The following STRADB variants were observed in gnomAD, a reference collection of about 807,000 sequenced individuals.
The protein encoded by STRADB is STE20 related adaptor beta.
STRADB carries 34 observed loss-of-function variants against 52.1 expected under a neutral mutation model. The ratio of observed to expected loss-of-function variants is 0.65; its 90% confidence interval spans 0.50 to 0.87. STRADB has a LOEUF of 0.87. Among genes scored for constraint, STRADB ranks in the 40% least tolerant of loss-of-function variants. The pLI is 0.00. For synonymous variants in STRADB, 133 were observed against 174.5 expected (o/e 0.76, Z 1.87); for missense variants, 340 against 483.9 (o/e 0.70, Z 2.79).
chr2:201,472,169 A>T (rs1952400084), intron 4 of STRADB, among the ~76,000 whole-genome samples: 1 of 152,220 alleles, frequency 6.6e-6, no homozygotes, highest in African/African-American at 2.4e-5. Flanking sequence ...ATATGAAATG[A>T]TTCAGCCACT....
chr2:201,475,590 C>T, intron 6 of STRADB, 29 bp from the exon 7 acceptor site: 1 of 1,611,336 alleles, frequency 6.2e-7, no homozygotes, highest in Non-Finnish European at 8.5e-7. Flanking sequence ...TTTCAATGTT[C>T]ATCTAAGGAT....
Position 201,469,958 on chromosome 2 carries a change from T to C in STRADB, c.99T>C (p.Asp33=), listed in dbSNP as rs1336347502. The C allele has an allele frequency of 6.2e-7, 1 of 1,613,102 alleles. No individual in the cohort carries two copies. The highest frequency in any genetic ancestry group is 8.5e-7 in the Non-Finnish European group (1 of 1,179,630). ...SETSIHQYLV[D]EPTLSWSRPS... The stretch of plus-strand genomic sequence containing the variant: ...ATCTTTAAAAACAAATGCAGGTTGA[T>C]GAGCCAACCCTTTCCTGGTCACGTC... Residue 33 remains aspartate (D), a synonymous_variant, in exon 4 of 12, where the codon GAT becomes GAC. Coordinates refer to ENST00000194530, the MANE Select transcript of STRADB (RefSeq NM_018571.6).
intron 10 of STRADB, 46 bp from the exon 11 acceptor site, chr2:201,479,443 T>G: frequency 6.7e-7 from 1 of 1,491,466 alleles, no homozygotes; most frequent in Non-Finnish European, 9.0e-7. Context: ...GAAATCTACA[T>G]TCTAATATAA....
At chr2:201,464,270 A>G (rs561355009) in intron 3 of STRADB, among the ~76,000 whole-genome samples, 1 of 152,122 alleles carries the variant, frequency 6.6e-6, no homozygotes, top group East Asian at 1.9e-4. Flanking sequence ...ATTGTGATCT[A>G]AGTCTTTGGT....
At chr2:201,475,210 T>C (rs1952452989) in intron 6 of STRADB, among the ~76,000 whole-genome samples, 1 of 152,224 alleles carries the variant, frequency 6.6e-6, no homozygotes, top group African/African-American at 2.4e-5. Context: ...ATATTTTTTA[T>C]TTGTGGTGTC....
At chr2:201,467,220 G>C (rs1574286455) in intron 3 of STRADB, among the ~76,000 whole-genome samples, 1 of 152,194 alleles carries the variant, frequency 6.6e-6, no homozygotes, top group South Asian at 2.1e-4. Flanking sequence ...ATTAGAAGCA[G>C]TTTAATGTAT....
chr2:201,479,414 C>A, intron 10 of STRADB, 75 bp from the exon 11 acceptor site: 1 of 1,394,398 alleles, frequency 7.2e-7, no homozygotes, highest in Non-Finnish European at 9.9e-7. Flanking sequence ...AACCTAATTT[C>A]TAACATATTT....
At chr2:201,457,333 T>C (rs1352420343) in intron 2 of STRADB, 1 of 152,208 alleles carries the variant, frequency 6.6e-6, no homozygotes. Flanking sequence ...ACAACAGTAA[T>C]AAGTATCTTC....
chr2:201,478,084 C>T lies in STRADB; in HGVS notation c.721-3C>T, dbSNP rs913033134. On this transcript the variant is annotated splice_polypyrimidine_tract_variant and splice_region_variant and intron_variant, in intron 8 of 11. Transcript: ENST00000194530. ...AAGACTTCAAATTAATTGTGTCCTA[C>T]AGGATTTACATGGGTATAATGTGAA... 6 of 1,600,900 alleles carry T rather than the reference C, an allele frequency of 3.7e-6. No homozygotes were observed. The highest frequency in any genetic ancestry group is 4.3e-6 in the Non-Finnish European group (5 of 1,174,786).
intron 3 of STRADB, among the ~76,000 whole-genome samples, chr2:201,463,975 T>TGA (rs1277313443): frequency 6.6e-6 from 1 of 152,172 alleles, no homozygotes; most frequent in Non-Finnish European, 1.5e-5. Context: ...GGATTCTGAA[T>TGA]TCCTTCTCTG....
intron 4 of STRADB, among the ~76,000 whole-genome samples, chr2:201,472,596 AG>A (rs1952407652): frequency 6.6e-6 from 1 of 152,230 alleles, no homozygotes; most frequent in Non-Finnish European, 1.5e-5. Flanking sequence ...GGGATTGCCG[AG>A]TAGCATTCCA....
rs777572102 is a variant in STRADB, at chr2:201,474,711, C to T, written c.380C>T (p.Thr127Ile). 1.2e-6 allele frequency: 2 copies of T among 1,611,690 alleles called. No individual in the cohort carries two copies. The highest frequency in any genetic ancestry group is 1.1e-5 in the South Asian group (1 of 90,292). ...ATTACAACTTATTGGACAGTTTTCA[C>T]TGTTGGCAGCTGGCTTTGGGTTATT... ...PNITTYWTVF[T>I]VGSWLWVISP... Residue 127 changes from threonine (T) to isoleucine (I), a missense_variant, in exon 6 of 12, where the codon ACT (threonine) becomes ATT (isoleucine). By Grantham distance (89) the Thr-to-Ile change is moderately conservative. Coordinates refer to ENST00000194530, the MANE Select transcript of STRADB (RefSeq NM_018571.6).
chr2:201,453,971 A>G (rs1251636766), intron 1 of STRADB, among the ~76,000 whole-genome samples: 1 of 152,196 alleles, frequency 6.6e-6, no homozygotes, highest in South Asian at 2.1e-4. Flanking sequence ...ATATTGCTTT[A>G]TGGTTTTTAT....
intron 3 of STRADB, among the ~76,000 whole-genome samples, chr2:201,459,705 G>T: frequency 6.6e-6 from 1 of 152,152 alleles, no homozygotes. Flanking sequence ...GTTCAGTAAT[G>T]CTACCAATAC....
At chr2:201,469,361 G>A (rs765555162) in intron 3 of STRADB, among the ~76,000 whole-genome samples, 28 of 152,132 alleles carry the variant, frequency 1.8e-4, no homozygotes, top group Admixed American at 3.3e-4. Context: ...GTGCAAACCT[G>A]ACTCTCACTC....
intron 1 of STRADB, 23 bp downstream of exon 1, chr2:201,451,961 G>C (rs1376253170): frequency 6.5e-6 from 1 of 152,716 alleles, no homozygotes; most frequent in African/African-American, 2.4e-5. Flanking sequence ...GGCAGGCCCG[G>C]GAAGGGAAGG....
intron 4 of STRADB, among the ~76,000 whole-genome samples, chr2:201,472,484 G>A (rs562356841): frequency 2.0e-5 from 3 of 152,070 alleles, no homozygotes. Flanking sequence ...TATGCCAAGT[G>A]AAAGAAGCTA....
chr2:201,473,217 A>G (rs772661515), intron 5 of STRADB, 141 bp downstream of exon 5: 13 of 735,688 alleles, frequency 1.8e-5, no homozygotes, highest in Non-Finnish European at 2.5e-5. Flanking sequence ...AAAACACAGC[A>G]TAACTATTTA....
chr2:201,469,118 C>T (rs1038596030), intron 3 of STRADB, among the ~76,000 whole-genome samples: 1 of 152,168 alleles, frequency 6.6e-6, no homozygotes, highest in Non-Finnish European at 1.5e-5. Context: ...AACTCCATCT[C>T]TGTCTCTTGA....
Sources: gnomAD v4.1 joint callset for allele counts (sites outside exome capture counted in the v4.1 genomes callset) on GRCh38, gnomAD v4.1.1 for gene constraint, MANE v1.5 for transcripts, NCBI Gene and HGNC (gene_info 2026-07-23, HGNC 2026-07-21) for gene names.